Variants in SNX14 observed in about 807,000 individuals in gnomAD.
The protein encoded by SNX14 is sorting nexin 14, also known as sorting nexin-14.
SNX14 carries 93 observed loss-of-function variants against 133.8 expected under a neutral mutation model. The ratio of observed to expected loss-of-function variants is 0.70; its 90% CI spans 0.59 to 0.83. The LOEUF is 0.83. Among genes scored for constraint, SNX14 ranks in the 40% least tolerant of loss-of-function variants. The pLI is 0.00. For synonymous variants in SNX14, 368 were observed against 365.6 expected (o/e 1.01, Z -0.07); for missense variants, 945 against 1,094.9 (o/e 0.86, Z 1.93).
chr6:85,508,065 CA>C lies in SNX14; in HGVS notation c.2654-7del. On this transcript the variant is annotated splice_polypyrimidine_tract_variant and splice_region_variant and intron_variant, in intron 26 of 28. Coordinates refer to ENST00000314673, the MANE Select transcript of SNX14 (RefSeq NM_153816.6). The stretch of plus-strand genomic sequence containing the variant: ...AATACACTTGACTAACAGATCTAAA[CA>C]AAAAGGCCAAATGTGAAATAATTTT... 6.2e-7 allele frequency: 1 copy of C among 1,610,172 alleles called. No individual in the cohort carries two copies. Among genetic ancestry groups the C allele is most frequent in the Non-Finnish European group, 8.5e-7 (1 of 1,178,132 alleles).
chr6:85,567,526 G>T lies in SNX14; in HGVS notation c.461+8C>A, dbSNP rs1019883283. ...CACAGAAAAAAAGATCTTATAGAAA[G>T]AACATACCTGTACCACGGATAAACA... On this transcript the variant is annotated splice_region_variant and intron_variant, in intron 5 of 28. Transcript: ENST00000314673. 4 of 1,505,620 alleles carry T rather than the reference G, an allele frequency of 2.7e-6. No homozygotes were observed. In the African/African-American group the frequency reaches 5.9e-5, roughly 22 times the overall value. 93.3% of individuals were successfully genotyped at this position (1,505,620 alleles called of 1,614,324 possible). A position where few individuals can be genotyped will look rare whatever the true frequency, so the allele number is the denominator to read the frequency against.
chr6:85,523,274 A>T (rs1453269375), intron 21 of SNX14, among the ~76,000 whole-genome samples: 2 of 152,218 alleles, frequency 1.3e-5, no homozygotes, highest in South Asian at 2.1e-4. Context: ...TCAAACGTGT[A>T]CTTTAGGAAG....
At chr6:85,544,447 A>C (rs528289866) in intron 12 of SNX14, among the ~76,000 whole-genome samples, 112 of 152,258 alleles carry the variant, frequency 7.4e-4, no homozygotes, top group Non-Finnish European at 1.3e-3. Context: ...ATATAACTGG[A>C]GTTGTTAAAG....
intron 14 of SNX14, 147 bp downstream of exon 14, chr6:85,543,035 T>A (rs1244964587): frequency 1.3e-6 from 1 of 759,376 alleles, no homozygotes; most frequent in Non-Finnish European, 1.9e-6. Flanking sequence ...TCCAAAGTGC[T>A]GGGATTATAG....
intron 1 of SNX14, among the ~76,000 whole-genome samples, chr6:85,588,036 TC>T (rs374229446): frequency 3.3e-5 from 5 of 152,108 alleles, no homozygotes; most frequent in African/African-American, 1.2e-4. Flanking sequence ...ACACCTGTAA[TC>T]CCAGCACTTT....
At chr6:85,555,501 T>G (rs1383797543) in intron 7 of SNX14, among the ~76,000 whole-genome samples, 2 of 152,132 alleles carry the variant, frequency 1.3e-5, no homozygotes, top group Admixed American at 6.6e-5. Flanking sequence ...TCCAACTATA[T>G]AACATTCTGG....
intron 1 of SNX14, among the ~76,000 whole-genome samples, chr6:85,583,390 A>T (rs1483538928): frequency 6.6e-6 from 1 of 152,222 alleles, no homozygotes; most frequent in East Asian, 1.9e-4. Context: ...CAGTATTGTA[A>T]GTTCTGGCCA....
intron 8 of SNX14, among the ~76,000 whole-genome samples, chr6:85,548,653 G>A (rs1786640984): frequency 6.6e-6 from 1 of 152,098 alleles, no homozygotes; most frequent in African/African-American, 2.4e-5. Flanking sequence ...CTTAACAGGA[G>A]GAACTTGGGG....
At chr6:85,548,444 A>G in intron 8 of SNX14, 68 bp from the exon 9 acceptor site, 1 of 1,189,644 alleles carries the variant, frequency 8.4e-7, no homozygotes, top group Non-Finnish European at 1.2e-6. Flanking sequence ...TTTCAAGTGC[A>G]TGTGAATTAC....
chr6:85,582,944 C>G (rs1380604969), intron 1 of SNX14, among the ~76,000 whole-genome samples: 1 of 152,150 alleles, frequency 6.6e-6, no homozygotes, highest in Non-Finnish European at 1.5e-5. Context: ...CATCCTGACA[C>G]CAAAACCTGG....
intron 26 of SNX14, among the ~76,000 whole-genome samples, chr6:85,508,882 CT>C (rs1228552171): frequency 3.3e-5 from 5 of 152,048 alleles, no homozygotes; most frequent in African/African-American, 1.2e-4. Flanking sequence ...CCTTTTTCCC[CT>C]ATCATAACTA....
At chr6:85,554,802 T>C (rs1173086851) in intron 7 of SNX14, among the ~76,000 whole-genome samples, 1 of 152,122 alleles carries the variant, frequency 6.6e-6, no homozygotes, top group African/African-American at 2.4e-5. Flanking sequence ...TTTGTTTATA[T>C]ATATATCATT....
At chr6:85,591,731 T>C (rs1802807422) in intron 1 of SNX14, among the ~76,000 whole-genome samples, 1 of 152,196 alleles carries the variant, frequency 6.6e-6, no homozygotes, top group Non-Finnish European at 1.5e-5. Context: ...TCATATGGGC[T>C]GCGTGCAGTC....
chr6:85,592,895 C>T (rs895065064), intron 1 of SNX14, among the ~76,000 whole-genome samples: 2 of 151,788 alleles, frequency 1.3e-5, no homozygotes, highest in Non-Finnish European at 2.9e-5. Flanking sequence ...GCGCCTGTAG[C>T]CCCAGCTACT....
chr6:85,559,439 G>C (rs1790820983), intron 6 of SNX14, among the ~76,000 whole-genome samples: 1 of 152,100 alleles, frequency 6.6e-6, no homozygotes, highest in East Asian at 1.9e-4. Flanking sequence ...AATTAAAATG[G>C]TAAAATAATG....
chr6:85,524,828 G>T (rs929199540), intron 21 of SNX14, among the ~76,000 whole-genome samples: 1 of 151,730 alleles, frequency 6.6e-6, no homozygotes, highest in African/African-American at 2.4e-5. Flanking sequence ...ACCAGCAGGT[G>T]GAACAGTAAT....
At chr6:85,518,898 T>C (rs1419218313) in intron 21 of SNX14, among the ~76,000 whole-genome samples, 3 of 152,210 alleles carry the variant, frequency 2.0e-5, no homozygotes, top group Non-Finnish European at 2.9e-5. Context: ...AGCCAAATTA[T>C]TTGCTCAATC....
At chr6:85,518,083 C>T (rs1775666595) in intron 21 of SNX14, 35 bp from the exon 22 acceptor site, 2 of 1,539,422 alleles carry the variant, frequency 1.3e-6, no homozygotes, top group Non-Finnish European at 8.9e-7. Flanking sequence ...TTTAGGAAGG[C>T]ATAAAACTCT....
chr6:85,538,073 T>G (rs1259903531), intron 16 of SNX14, among the ~76,000 whole-genome samples: 2 of 152,104 alleles, frequency 1.3e-5, no homozygotes, highest in African/African-American at 4.8e-5. Flanking sequence ...ATGAGAAAAA[T>G]TAAGTTATCT....
Sources: gnomAD v4.1 joint callset for allele counts (sites outside exome capture counted in the v4.1 genomes callset) on GRCh38, gnomAD v4.1.1 for gene constraint, MANE v1.5 for transcripts, NCBI Gene and HGNC (gene_info 2026-07-23, HGNC 2026-07-21) for gene names.